The following STK38 variants were observed in gnomAD, a reference collection of about 807,000 sequenced individuals.
The protein encoded by STK38 is serine/threonine kinase 38.
STK38 carries 26 observed loss-of-function variants against 59.0 expected under a neutral mutation model. The observed-to-expected ratio is 0.44, with a 90% CI of 0.32 to 0.61. The LOEUF (loss-of-function observed/expected upper bound fraction) is 0.61. STK38 is among the 20% of genes least tolerant of loss of function. The probability of loss-of-function intolerance (pLI) is 0.04; values close to 1 mark genes in which losing one functional copy is unlikely to be tolerated. For missense variants in STK38, 433 were observed against 566.0 expected (o/e 0.76, Z 2.38); for synonymous variants, 175 against 176.6 (o/e 0.99, Z 0.07).
intron 5 of STK38, among the ~76,000 whole-genome samples, chr6:36,518,541 T>C (rs1777308548): frequency 6.6e-6 from 1 of 152,212 alleles, no homozygotes; most frequent in South Asian, 2.1e-4. Flanking sequence ...CACTGCATAT[T>C]ATCAAATCCC....
At chr6:36,502,564 T>A (rs1345663640) in intron 9 of STK38, among the ~76,000 whole-genome samples, 1 of 152,228 alleles carries the variant, frequency 6.6e-6, no homozygotes, top group African/African-American at 2.4e-5. Flanking sequence ...GTGATTTTTT[T>A]AATGAAGTAG....
rs549848274 is a variant in STK38 at position 36,527,097 on chromosome 6, CAGA to C, written c.132-1458_132-1456del. On this transcript the variant is annotated intron_variant, in intron 2 of 13. Coordinates refer to ENST00000229812, the MANE Select transcript of STK38 (RefSeq NM_007271.4). ...GTCCCAGCTACTCAGGAGGCTGAAG[CAGA>C]AGAATTGCCTGAACCTGGGAGGCAG... Among the ~76,000 whole-genome samples the C allele has an allele frequency of 3.3e-3, 491 of 146,648 alleles. 3 individuals carry two copies. Among genetic ancestry groups the C allele is most frequent in the African/African-American group, 0.012 (458 of 39,418 alleles).
At chr6:36,530,417 T>C (rs962945646) in intron 2 of STK38, among the ~76,000 whole-genome samples, 14 of 151,042 alleles carry the variant, frequency 9.3e-5, no homozygotes, top group Non-Finnish European at 1.6e-4. Context: ...CAGGCTGAAG[T>C]GCAGTGGTAC....
At chr6:36,509,654 A>G (rs1203264815) in intron 7 of STK38, among the ~76,000 whole-genome samples, 1 of 151,860 alleles carries the variant, frequency 6.6e-6, no homozygotes, top group African/African-American at 2.4e-5. Flanking sequence ...ACCCACAATG[A>G]CTCAAGGCCT....
chr6:36,495,026 T>G lies in STK38; in HGVS notation c.*758A>C, dbSNP rs1014304475. ...GAGAAAGTGAGGGTTTTCCACATAATCCGGGATTTCTTGGCAATGCCCAAA... is the reference window on the plus strand; with the variant it reads ...GAGAAAGTGAGGGTTTTCCACATAAGCCGGGATTTCTTGGCAATGCCCAAA... On this transcript the variant is annotated 3_prime_UTR_variant, in exon 14 of 14. Transcript: ENST00000229812. 3.9e-5 allele frequency: 6 copies of G among 152,484 alleles called. No homozygotes were observed. Among genetic ancestry groups the G allele is most frequent in the African/African-American group, 1.4e-4 (6 of 41,442 alleles). 9.4% of individuals were successfully genotyped at this position (152,484 alleles called of 1,614,324 possible). A position where few individuals can be genotyped will look rare whatever the true frequency, so the allele number is the denominator to read the frequency against.
At chr6:36,519,194 A>C (rs1777324828) in intron 5 of STK38, among the ~76,000 whole-genome samples, 1 of 152,208 alleles carries the variant, frequency 6.6e-6, no homozygotes, top group South Asian at 2.1e-4. Context: ...CTACATCTTT[A>C]CATCTGTACT....
intron 9 of STK38, among the ~76,000 whole-genome samples, chr6:36,505,903 G>T (rs993028698): frequency 3.3e-5 from 5 of 152,136 alleles, no homozygotes; most frequent in African/African-American, 7.2e-5. Context: ...CTTCAAACAT[G>T]AACCAATTTA....
chr6:36,507,679 A>G (rs1777000536), intron 7 of STK38, 77 bp from the exon 8 acceptor site: 1 of 1,068,120 alleles, frequency 9.4e-7, no homozygotes, highest in Admixed American at 1.9e-5. Flanking sequence ...TGCTCCTTCC[A>G]GCATCCATTA....
At chr6:36,510,276 G>C (rs1335885449) in intron 7 of STK38, among the ~76,000 whole-genome samples, 1 of 152,240 alleles carries the variant, frequency 6.6e-6, no homozygotes, top group East Asian at 1.9e-4. Context: ...AAAGTCCAGA[G>C]GGAGCTGAGG....
chr6:36,514,836 G>A (rs1486563977), intron 7 of STK38, among the ~76,000 whole-genome samples: 2 of 131,444 alleles, frequency 1.5e-5, no homozygotes, highest in African/African-American at 3.0e-5. Flanking sequence ...CAAACAGGGT[G>A]AGACTTCATC....
chr6:36,530,835 A>G (rs1777651690), intron 2 of STK38, among the ~76,000 whole-genome samples: 1 of 151,548 alleles, frequency 6.6e-6, no homozygotes, highest in African/African-American at 2.4e-5. Flanking sequence ...GATTACCGGC[A>G]TATGCCACCA....
chr6:36,539,016 A>G (rs970645295), intron 2 of STK38, among the ~76,000 whole-genome samples: 1 of 152,086 alleles, frequency 6.6e-6, no homozygotes, highest in African/African-American at 2.4e-5. Flanking sequence ...ATATATATGT[A>G]TATATTCACT....
chr6:36,524,104 CT>C (rs1013062932), intron 4 of STK38, among the ~76,000 whole-genome samples: 73 of 152,120 alleles, frequency 4.8e-4, no homozygotes, highest in African/African-American at 1.6e-3. Flanking sequence ...AACTCTCCCC[CT>C]AAGTCAATAT....
chr6:36,513,961 A>C (rs9470303), intron 7 of STK38, among the ~76,000 whole-genome samples: 5,106 of 150,928 alleles, frequency 0.034, 209 homozygotes, highest in African/African-American at 0.099. Context: ...CGAGACCATC[A>C]TGGCTAACAC....
chr6:36,529,866 G>A (rs1449057983), intron 2 of STK38, among the ~76,000 whole-genome samples: 1 of 152,190 alleles, frequency 6.6e-6, no homozygotes, highest in Non-Finnish European at 1.5e-5. Flanking sequence ...TAGCAGGGAT[G>A]AGAGAATAGG....
intron 7 of STK38, among the ~76,000 whole-genome samples, chr6:36,508,591 G>C (rs929432714): frequency 3.3e-5 from 5 of 152,156 alleles, no homozygotes; most frequent in African/African-American, 1.2e-4. Flanking sequence ...GAGATCCTTG[G>C]GCTTCTAGCC....
chr6:36,497,454 G>C (rs1776730973), intron 12 of STK38, among the ~76,000 whole-genome samples: 1 of 152,180 alleles, frequency 6.6e-6, no homozygotes, highest in African/African-American at 2.4e-5. Flanking sequence ...TCCACCCTGT[G>C]GGCAGGAACA....
chr6:36,505,715 TAGTC>T (rs1776948029), intron 9 of STK38, among the ~76,000 whole-genome samples: 1 of 152,208 alleles, frequency 6.6e-6, no homozygotes, highest in Non-Finnish European at 1.5e-5. Context: ...CATTCCAAGT[TAGTC>T]AGTTTCCCAT....
intron 2 of STK38, among the ~76,000 whole-genome samples, chr6:36,537,546 T>C (rs1275366509): frequency 6.6e-6 from 1 of 152,098 alleles, no homozygotes; most frequent in African/African-American, 2.4e-5. Context: ...GAAGACAGAA[T>C]AGTACCAACA....
Sources: allele counts gnomAD v4.1 joint callset (sites outside exome capture counted in the v4.1 genomes callset), GRCh38; gene constraint gnomAD v4.1.1; transcripts MANE v1.5; gene names NCBI Gene and HGNC (gene_info 2026-07-23, HGNC 2026-07-21).